RIMOC1: variants seen among roughly 807,000 people sequenced by gnomAD.
RIMOC1 encodes RAB7A-interacting MON1-CCZ1 complex subunit 1.
chr5:41,917,124 C>G, the RIMOC1 span: 1 of 1,613,764 alleles, frequency 6.2e-7, no homozygotes, highest in South Asian at 1.1e-5. Flanking sequence ...GAAGTGGATA[C>G]TAGTGTGTCT....
the RIMOC1 span, chr5:41,918,673 T>A: frequency 1.0e-6 from 1 of 985,286 alleles, no homozygotes; most frequent in African/African-American, 1.7e-5. Context: ...GTAAACCTTA[T>A]GTTTGTTACT....
the RIMOC1 span, chr5:41,917,489 A>T: frequency 7.9e-7 from 1 of 1,268,844 alleles, no homozygotes; most frequent in Non-Finnish European, 9.9e-7. Context: ...CTATGAAGGG[A>T]TGATTCTTTA....
At chr5:41,921,510 C>G in the RIMOC1 span, 1 of 151,464 alleles carries the variant, frequency 6.6e-6, no homozygotes, top group Non-Finnish European at 1.5e-5. Flanking sequence ...TTTAATATAG[C>G]CACAATTAAA....
the RIMOC1 span, chr5:41,912,051 G>C: frequency 1.2e-4 from 166 of 1,388,410 alleles, no homozygotes; most frequent in East Asian, 1.9e-3. Flanking sequence ...CAATTCTTTG[G>C]CTCTGACTTT....
the RIMOC1 span, among the ~76,000 whole-genome samples, chr5:41,913,483 A>G: frequency 6.6e-6 from 1 of 152,178 alleles, no homozygotes; most frequent in Non-Finnish European, 1.5e-5. Flanking sequence ...TACTTTTACC[A>G]TCTCCTTATA....
At chr5:41,918,657 C>A in the RIMOC1 span, 1 of 985,364 alleles carries the variant, frequency 1.0e-6, no homozygotes. Flanking sequence ...TAGAAAAGCC[C>A]TCAATGTAAA....
the RIMOC1 span, chr5:41,918,565 A>G: frequency 1.0e-6 from 1 of 985,420 alleles, no homozygotes; most frequent in Non-Finnish European, 1.2e-6. Flanking sequence ...CCTATTTATT[A>G]TCTACCTTTT....
chr5:41,909,729 T>A, the RIMOC1 span: 1 of 219,056 alleles, frequency 4.6e-6, no homozygotes, highest in Non-Finnish European at 7.2e-6. Flanking sequence ...GATATCTTTC[T>A]TTTTTTTTTT....
At chr5:41,917,139 C>T in the RIMOC1 span, 33 of 1,613,582 alleles carry the variant, frequency 2.0e-5, no homozygotes, top group South Asian at 8.8e-5. Flanking sequence ...GTGTCTGGAG[C>T]GGGCTGCACT....
At chr5:41,912,028 C>T in the RIMOC1 span, 1 of 1,152,016 alleles carries the variant, frequency 8.7e-7, no homozygotes, top group Non-Finnish European at 1.3e-6. Context: ...TATATCTCTG[C>T]ATATAATACT....
At chr5:41,910,585 C>T in the RIMOC1 span, among the ~76,000 whole-genome samples, 2 of 151,728 alleles carry the variant, frequency 1.3e-5, no homozygotes, top group Non-Finnish European at 2.9e-5. Context: ...ATTTATTTAT[C>T]AGGGGAGGCT....
At chr5:41,907,733 T>A in the RIMOC1 span, 5 of 1,583,380 alleles carry the variant, frequency 3.2e-6, no homozygotes, top group African/African-American at 5.4e-5. Context: ...TTATTTCTTA[T>A]AGATCACTTT....
chr5:41,916,983 A>T, the RIMOC1 span: 2 of 1,535,220 alleles, frequency 1.3e-6, no homozygotes, highest in Non-Finnish European at 1.8e-6. Flanking sequence ...TAAGCTTTTA[A>T]TTCTAATCTG....
At chr5:41,917,044 T>A in the RIMOC1 span, 1 of 1,601,040 alleles carries the variant, frequency 6.2e-7, no homozygotes, top group Non-Finnish European at 8.5e-7. Flanking sequence ...ATCTGCTGGC[T>A]ATGATGTACA....
the RIMOC1 span, chr5:41,911,146 G>T: frequency 1.2e-6 from 2 of 1,607,038 alleles, no homozygotes; most frequent in East Asian, 4.5e-5. Flanking sequence ...AAAGAAGAGA[G>T]TGGCTCTTAA....
the RIMOC1 span, among the ~76,000 whole-genome samples, chr5:41,915,406 C>G: frequency 6.6e-6 from 1 of 152,134 alleles, no homozygotes; most frequent in Non-Finnish European, 1.5e-5. Flanking sequence ...TGGGTACAAA[C>G]ATACAGTTAG....
chr5:41,915,516 C>G, the RIMOC1 span, among the ~76,000 whole-genome samples: 20 of 152,110 alleles, frequency 1.3e-4, no homozygotes, highest in Admixed American at 9.8e-4. Flanking sequence ...AAGACATACC[C>G]AAGACTGGGA....
chr5:41,910,917 TA>T, the RIMOC1 span: 2 of 925,426 alleles, frequency 2.2e-6, no homozygotes, highest in Non-Finnish European at 1.6e-6. Flanking sequence ...CCTCCCTGTG[TA>T]AGCAGCTAAA....
the RIMOC1 span, chr5:41,920,770 A>G: frequency 6.6e-6 from 1 of 152,166 alleles, no homozygotes; most frequent in African/African-American, 2.4e-5. Context: ...TCTGATATTG[A>G]ATTAAGGAAT....
Sources: allele counts gnomAD v4.1 joint callset (sites outside exome capture counted in the v4.1 genomes callset), GRCh38; gene constraint gnomAD v4.1.1; transcripts MANE v1.5; gene names NCBI Gene and HGNC (gene_info 2026-07-23, HGNC 2026-07-21).